Variants in MORN1 observed in about 807,000 individuals in gnomAD.
The protein encoded by MORN1 is MORN repeat containing 1.
A neutral mutation model predicts 61.9 loss-of-function variants in MORN1; 67 were observed. That is an observed-to-expected ratio of 1.08 (90% CI 0.89 to 1.33). MORN1 has a LOEUF of 1.33. MORN1 is among the 40% of genes most tolerant of loss of function. The pLI is 0.00. For synonymous variants in MORN1, 301 were observed against 292.0 expected (o/e 1.03, Z -0.31); for missense variants, 752 against 691.2 (o/e 1.09, Z -0.99).
intron 10 of MORN1, among the ~76,000 whole-genome samples, chr1:2,356,158 C>T (rs2645084): frequency 0.15 from 23,143 of 152,086 alleles, 2,420 homozygotes; most frequent in Admixed American, 0.31. Flanking sequence ...GCGCGACGGC[C>T]GCCTGGTGGT....
At chr1:2,353,774 G>A (rs964255017) in intron 10 of MORN1, among the ~76,000 whole-genome samples, 1 of 152,316 alleles carries the variant, frequency 6.6e-6, no homozygotes, top group South Asian at 2.1e-4. Flanking sequence ...CTGCTGTCCC[G>A]GGGCAGGGAG....
chr1:2,327,970 C>T (rs1641072756), intron 12 of MORN1, among the ~76,000 whole-genome samples: 1 of 152,254 alleles, frequency 6.6e-6, no homozygotes, highest in African/African-American at 2.4e-5. Context: ...TCCCGAGGAG[C>T]CCGTCACAGG....
intron 10 of MORN1, chr1:2,355,468 C>T (rs1360632506): frequency 1.4e-5 from 21 of 1,550,368 alleles, no homozygotes; most frequent in Non-Finnish European, 1.6e-5. Flanking sequence ...GAGCTCCCTG[C>T]AAGCACAGAC....
intron 12 of MORN1, among the ~76,000 whole-genome samples, chr1:2,324,964 C>G (rs1034222095): frequency 1.2e-5 from 1 of 85,644 alleles, no homozygotes; most frequent in Non-Finnish European, 2.1e-5. Flanking sequence ...AGTCCCTGCA[C>G]GTGAGGAAGC....
intron 5 of MORN1, 97 bp from the exon 6 acceptor site, chr1:2,385,162 C>A: frequency 1.5e-6 from 2 of 1,318,734 alleles, no homozygotes; most frequent in Middle Eastern, 2.6e-4. Flanking sequence ...GCAGGCACTG[C>A]GGGACCGAGG....
At chr1:2,379,781 G>A (rs985971003) in intron 6 of MORN1, among the ~76,000 whole-genome samples, 6 of 152,200 alleles carry the variant, frequency 3.9e-5, no homozygotes, top group Non-Finnish European at 5.9e-5. Context: ...GGAACTGTGT[G>A]CACTGTGGGC....
intron 8 of MORN1, among the ~76,000 whole-genome samples, chr1:2,362,829 A>C (rs1032410871): frequency 6.6e-6 from 1 of 152,010 alleles, no homozygotes; most frequent in Non-Finnish European, 1.5e-5. Flanking sequence ...GCGCCATTGC[A>C]CTCCAGCCTG....
intron 6 of MORN1, 21 bp downstream of exon 6, chr1:2,384,957 G>C (rs761878447): frequency 6.5e-7 from 1 of 1,534,684 alleles, no homozygotes; most frequent in Non-Finnish European, 8.8e-7. Context: ...TGGGCAGCAG[G>C]TGCCGCGCGC....
In MORN1 at chr1:2,356,706, C is replaced by G. The variant is rs1203508414; in HGVS notation, c.1036+726G>C. 2.0e-5 allele frequency among the ~76,000 whole-genome samples: 3 copies of G among 152,228 alleles called. 1 individual carries two copies. Among genetic ancestry groups the G allele is most frequent in the African/African-American group, 7.2e-5 (3 of 41,454 alleles). On this transcript the variant is annotated intron_variant, in intron 10 of 13. Coordinates refer to ENST00000378531, the MANE Select transcript of MORN1 (RefSeq NM_024848.3). ...TCAAGACTGTTCCCTCAGTCCGGCA[C>G]TGAGACGCACACTGTGCTGCGCGGG...
chr1:2,375,657 C>G (rs1028634328), intron 6 of MORN1: 1 of 152,306 alleles, frequency 6.6e-6, no homozygotes, highest in South Asian at 2.1e-4. Context: ...TCCGAGACAA[C>G]TGGCAGCCCG....
At chr1:2,391,348 G>A (rs908401358) in intron 1 of MORN1, 110 bp downstream of exon 1, 4 of 1,185,592 alleles carry the variant, frequency 3.4e-6, no homozygotes, top group Middle Eastern at 2.5e-4. Context: ...CGCGGCACCT[G>A]GACCTCTACT....
At position 2,357,478 on chromosome 1, in the gene MORN1, A is replaced by C. The variant is rs1641801317; in HGVS notation, c.990T>G (p.His330Gln). 1 of 1,612,294 alleles carries C rather than the reference A, an allele frequency of 6.2e-7. No individual in the cohort carries two copies. The highest frequency in any genetic ancestry group is 8.5e-7 in the Non-Finnish European group (1 of 1,179,502). ...CCTCCTGGCCATGGAGGGCACCCAA[A>C]TGCAGCTCCAGGTCTCCCCTGGGCA... ...VPLPRGDLELHLGALHGQEDT... is the reference protein window; with the variant it reads ...VPLPRGDLELQLGALHGQEDT... Residue 330 changes from histidine to glutamine, a missense_variant, in exon 10 of 14, where the codon CAT (histidine) becomes CAG (glutamine). His to Gln is a conservative substitution (Grantham distance 24). Coordinates refer to ENST00000378531, the MANE Select transcript of MORN1 (RefSeq NM_024848.3). This position sits in a 1 kb window ranked among gnomAD's most constrained non-coding sequence, Gnocchi z 6.3.
chr1:2,344,839 G>A (rs1398675954), intron 10 of MORN1, among the ~76,000 whole-genome samples: 1 of 152,232 alleles, frequency 6.6e-6, no homozygotes, highest in East Asian at 1.9e-4. Context: ...AGCAGCAAAT[G>A]CCAAGTCCCC....
intron 9 of MORN1, 38 bp downstream of exon 9, chr1:2,358,554 A>C (rs757966873): frequency 6.2e-7 from 1 of 1,612,616 alleles, no homozygotes; most frequent in Non-Finnish European, 8.5e-7. Flanking sequence ...AACTCAAAAC[A>C]AACTCAGAAC....
chr1:2,373,011 G>A (rs566989949), intron 7 of MORN1, among the ~76,000 whole-genome samples: 2 of 152,362 alleles, frequency 1.3e-5, no homozygotes, highest in Admixed American at 6.5e-5. Context: ...GGCAAGGCCT[G>A]GCAAGGGTGG....
At chr1:2,374,640 GC>G in intron 6 of MORN1, 83 bp from the exon 7 acceptor site, 1 of 1,204,352 alleles carries the variant, frequency 8.3e-7, no homozygotes, top group Non-Finnish European at 1.2e-6. Context: ...GCTTCCTGGT[GC>G]TACAGCAGGG....
intron 6 of MORN1, among the ~76,000 whole-genome samples, chr1:2,381,291 A>T (rs1642366329): frequency 6.6e-6 from 1 of 152,220 alleles, no homozygotes; most frequent in Admixed American, 6.5e-5. Context: ...CGCCCTTCTC[A>T]GCGTCTACAT....
Position 2,321,363 on chromosome 1 carries a change from C to A in MORN1, c.*20G>T. 2 of 1,457,136 alleles carry A rather than the reference C, an allele frequency of 1.4e-6. No homozygotes were observed. Among genetic ancestry groups the A allele is most frequent in the Non-Finnish European group, 1.8e-6 (2 of 1,095,932 alleles). The allele number at this position is 1,457,136 out of a possible 1,614,324, so 90.3% of individuals were successfully genotyped here. A position where few individuals can be genotyped will look rare whatever the true frequency, so the allele number is the denominator to read the frequency against. On this transcript the variant is annotated 3_prime_UTR_variant, in exon 14 of 14. Coordinates refer to ENST00000378531, the MANE Select transcript of MORN1 (RefSeq NM_024848.3). ...TTTCCTTCCATTCACACCGAGGTGG[C>A]CTCCTGTGGACACGGGGCCTCACCG...
intron 10 of MORN1, among the ~76,000 whole-genome samples, chr1:2,341,745 C>A (rs1190837992): frequency 6.6e-6 from 1 of 152,114 alleles, no homozygotes; most frequent in African/African-American, 2.4e-5. Context: ...ATGGCAAGTG[C>A]CCCCCAAAGG....
Sources: gnomAD v4.1 joint callset for allele counts (sites outside exome capture counted in the v4.1 genomes callset) on GRCh38, gnomAD v4.1.1 for gene constraint, Gnocchi (gnomAD v3.1) non-coding constraint, MANE v1.5 for transcripts, NCBI Gene and HGNC (gene_info 2026-07-23, HGNC 2026-07-21) for gene names.